MED1: variants seen among roughly 807,000 people sequenced by gnomAD.
The protein encoded by MED1 is mediator complex subunit 1, also known as mediator of RNA polymerase II transcription subunit 1.
In MED1, 17 loss-of-function variants were observed where a neutral mutation model predicts 121.3. The ratio of observed to expected loss-of-function variants is 0.14; its 90% confidence interval spans 0.10 to 0.21. The LOEUF (loss-of-function observed/expected upper bound fraction) is 0.21. Among genes scored for constraint, MED1 ranks in the 10% least tolerant of loss-of-function variants. The pLI, the probability that MED1 is intolerant of heterozygous loss-of-function variation, is 1.00. For missense variants in MED1, 1,558 were observed against 1,919.4 expected, an observed-to-expected ratio of 0.81 and a Z score of 3.52; for synonymous variants, 661 against 694.4, an observed-to-expected ratio of 0.95 and a Z score of 0.76.
chr17:39,434,006 T>C (rs2048595055), intron 7 of MED1, among the ~76,000 whole-genome samples: 1 of 152,138 alleles, frequency 6.6e-6, no homozygotes, highest in Non-Finnish European at 1.5e-5. Flanking sequence ...GCCTAGAAAT[T>C]GGAATGTTGG....
intron 6 of MED1, 123 bp from the exon 7 acceptor site, chr17:39,434,443 C>A: frequency 4.0e-6 from 2 of 501,736 alleles, no homozygotes; most frequent in South Asian, 3.9e-5. Context: ...TCAGCTTTAA[C>A]CATTTTCCTC....
intron 12 of MED1, 117 bp downstream of exon 12, chr17:39,423,580 C>T (rs2048487248): frequency 6.7e-7 from 1 of 1,486,862 alleles, no homozygotes; most frequent in African/African-American, 1.4e-5. Flanking sequence ...ACTATAACAT[C>T]TTTACCAGTA....
chr17:39,449,238 T>C (rs541296273), intron 1 of MED1, among the ~76,000 whole-genome samples: 1 of 152,230 alleles, frequency 6.6e-6, no homozygotes, highest in African/African-American at 2.4e-5. Context: ...TACAGTGCAG[T>C]GGCATGATTC....
rs1487608747 is a variant in MED1, at chr17:39,409,685, C to T, written c.2536G>A (p.Ala846Thr). 1.9e-6 allele frequency: 3 copies of T among 1,614,118 alleles called. No individual in the cohort carries two copies. Among genetic ancestry groups the T allele is most frequent in the South Asian group, 1.1e-5 (1 of 91,086 alleles). The change falls in exon 17 of 17, where the codon GCT becomes ACT. Residue 846 changes from alanine (A) to threonine (T), a missense_variant. Physicochemically the swap from Ala to Thr is moderately conservative, Grantham distance 58. This residue lies in a region of MED1 where 793 missense variants were observed against 898.2 expected (regional missense o/e 0.88). Coordinates refer to ENST00000300651, the MANE Select transcript of MED1 (RefSeq NM_004774.4). ...TDPADLIADA[A>T]GSPSSDSPTN... The stretch of plus-strand genomic sequence containing the variant: ...GGAGAGTCACTACTGGGGCTTCCAG[C>T]AGCATCTGCAATAAGATCAGCTGGA...
rs186033953 is a variant in MED1, at chr17:39,414,286, C to T, written c.1499+740G>A. Among the ~76,000 whole-genome samples the T allele has an allele frequency of 3.0e-3, 451 of 150,660 alleles. 1 individual carries two copies. Among genetic ancestry groups the T allele is most frequent in the Middle Eastern group, 0.017 (5 of 286 alleles). On this transcript the variant is annotated intron_variant, in intron 16 of 16. Coordinates refer to ENST00000300651, the MANE Select transcript of MED1 (RefSeq NM_004774.4). ...AAAGCAGAGAAGGGTGAAATCAAAG[C>T]AATAACTAAATTGCTCCTTTATTTG... is the stretch of plus-strand genomic sequence containing the variant.
In MED1 at chr17:39,413,408, G is replaced by A. The variant is rs1426152501; in HGVS notation, c.1499+1618C>T. ...CTCTCAAGTAGCTAGAATGACAGAC[G>A]GATACCACCATGCTCGGTTAATTTT... is the stretch of plus-strand genomic sequence containing the variant. On this transcript the variant is annotated intron_variant, in intron 16 of 16. Coordinates refer to ENST00000300651, the MANE Select transcript of MED1 (RefSeq NM_004774.4). 3.3e-5 allele frequency among the ~76,000 whole-genome samples: 5 copies of A among 152,044 alleles called. No homozygotes were observed. The South Asian group carries it at 6.2e-4, about 19-fold the overall frequency.
chr17:39,427,485 G>A, intron 10 of MED1: 1 of 314,482 alleles, frequency 3.2e-6, no homozygotes, highest in Non-Finnish European at 5.9e-6. Context: ...CAGCCCAAAA[G>A]TACTTATTAA....
intron 13 of MED1, 106 bp downstream of exon 13, chr17:39,423,221 C>A (rs1336752662): frequency 4.9e-6 from 4 of 816,294 alleles, no homozygotes; most frequent in Non-Finnish European, 8.2e-6. Flanking sequence ...CATGATCCAG[C>A]AGTCTTGAAG....
At chr17:39,430,460 G>A (rs552471270) in intron 9 of MED1, among the ~76,000 whole-genome samples, 1 of 152,114 alleles carries the variant, frequency 6.6e-6, no homozygotes, top group Non-Finnish European at 1.5e-5. Flanking sequence ...GGGAGGCTGA[G>A]GCGGGCAGAT....
At chr17:39,447,055 G>A (rs981574198) in intron 2 of MED1, among the ~76,000 whole-genome samples, 1 of 152,114 alleles carries the variant, frequency 6.6e-6, no homozygotes, top group African/African-American at 2.4e-5. Flanking sequence ...ATGCCACCAA[G>A]GATTTCACAC....
chr17:39,420,857 A>C (rs900541710), intron 13 of MED1, among the ~76,000 whole-genome samples: 1 of 134,918 alleles, frequency 7.4e-6, no homozygotes, highest in Non-Finnish European at 1.5e-5. Flanking sequence ...GTGCAGTGGC[A>C]CGATCTCTGC....
chr17:39,417,334 A>T (rs907257732), intron 14 of MED1, among the ~76,000 whole-genome samples: 1 of 149,556 alleles, frequency 6.7e-6, no homozygotes, highest in African/African-American at 2.5e-5. Flanking sequence ...CGTCTCAAAA[A>T]AAAAAACAAA....
chr17:39,439,035 C>G, intron 6 of MED1, 130 bp downstream of exon 6: 1 of 789,556 alleles, frequency 1.3e-6, no homozygotes, highest in Non-Finnish European at 2.1e-6. Context: ...TAAGTATAGA[C>G]TCTTAAAAAT....
intron 16 of MED1, among the ~76,000 whole-genome samples, chr17:39,413,585 T>C (rs2048375989): frequency 6.6e-6 from 1 of 151,940 alleles, no homozygotes; most frequent in East Asian, 1.9e-4. Context: ...TGAAATCTGC[T>C]CAGGCAGACA....
chr17:39,426,318 A>C (rs2048514940), intron 10 of MED1, among the ~76,000 whole-genome samples: 1 of 151,840 alleles, frequency 6.6e-6, no homozygotes, highest in African/African-American at 2.4e-5. Context: ...GTGGTGGTGC[A>C]TGCCTGTAGT....
rs774366864 is a variant in MED1, at chr17:39,451,047, C to T, written c.16G>A (p.Glu6Lys). The T allele has an allele frequency of 1.6e-5, 26 of 1,611,626 alleles. No homozygotes were observed. The highest frequency in any genetic ancestry group is 1.2e-4 in the South Asian group (11 of 90,604). Residue 6 changes from glutamate to lysine, a missense_variant, in exon 1 of 17, where the codon GAA becomes AAA. Physicochemically the swap from Glu to Lys is moderately conservative, Grantham distance 56. Transcript: ENST00000300651. Reference protein sequence around the residue: MKAQGETEESEKLSKM... With the variant: MKAQGKTEESEKLSKM... ...CCCTACAGTCACTTACCCTCGGTTT[C>T]CCCCTGAGCTTTCATCCTGAAGGCG...
intron 13 of MED1, among the ~76,000 whole-genome samples, chr17:39,421,463 T>C (rs1248493769): frequency 6.6e-6 from 1 of 151,310 alleles, no homozygotes. Context: ...GGCAGGAGAA[T>C]CACTTGAACC....
chr17:39,429,808 C>T (rs1208777310), intron 9 of MED1, among the ~76,000 whole-genome samples: 1 of 151,696 alleles, frequency 6.6e-6, no homozygotes, highest in Non-Finnish European at 1.5e-5. Context: ...AAGATGAGGC[C>T]GGGCGCAGTG....
chr17:39,421,459 A>C (rs936642985), intron 13 of MED1, among the ~76,000 whole-genome samples: 3 of 151,716 alleles, frequency 2.0e-5, no homozygotes, highest in Non-Finnish European at 4.4e-5. Flanking sequence ...CTGAGGCAGG[A>C]GAATCACTTG....
Sources: gnomAD v4.1 joint callset for allele counts (sites outside exome capture counted in the v4.1 genomes callset) on GRCh38, gnomAD v4.1.1 for gene constraint, gnomAD v4.1.1 regional missense constraint, MANE v1.5 for transcripts, NCBI Gene and HGNC (gene_info 2026-07-23, HGNC 2026-07-21) for gene names.